Variants in PDCD11 observed in about 807,000 individuals in gnomAD.
The protein encoded by PDCD11 is protein RRP5 homolog.
A neutral mutation model predicts 198.9 loss-of-function variants in PDCD11; 97 were observed. The ratio of observed to expected loss-of-function variants is 0.49; its 90% confidence interval spans 0.41 to 0.58. PDCD11 has a LOEUF of 0.58. Among genes scored for constraint, PDCD11 ranks in the 20% least tolerant of loss-of-function variants. The pLI is 0.00. For missense variants in PDCD11, 2,102 were observed against 2,312.7 expected (o/e 0.91, Z 1.87); for synonymous variants, 893 against 918.0 (o/e 0.97, Z 0.49).
At position 103,398,474 on chromosome 10, in the gene PDCD11, C is replaced by G. The variant is rs1423627906; in HGVS notation, c.48C>G (p.Ile16Met). 1 of 1,614,012 alleles carries G rather than the reference C, an allele frequency of 6.2e-7. No individual in the cohort carries two copies. Among genetic ancestry groups the G allele is most frequent in the Non-Finnish European group, 8.5e-7 (1 of 1,179,990 alleles). ...TCCCCCGAGGAGGTACAAGAAAGAT[C>G]CACAAACCAGAGAAAGCTTTCCAGC... ...ESFPRGGTRK[I>M]HKPEKAFQQS... The change falls in exon 2 of 36, where the codon ATC (isoleucine) becomes ATG (methionine). Residue 16 changes from isoleucine to methionine, a missense_variant. Transcript: ENST00000369797.
chr10:103,406,092 C>T lies in PDCD11; in HGVS notation c.672C>T (p.Ile224=). The T allele has an allele frequency of 1.2e-6, 2 of 1,614,098 alleles. No individual in the cohort carries two copies. Among genetic ancestry groups the T allele is most frequent in the Non-Finnish European group, 1.7e-6 (2 of 1,179,996 alleles). ...FLPLLKAQEY[I]RQKNKGAKLK... ...CACTGCTGAAAGCCCAGGAGTACAT[C>T]AGACAGAAGAACAAAGGTGAGGGCA... The change falls in exon 6 of 36, where the codon ATC becomes ATT. Residue 224 remains isoleucine, a synonymous_variant. Transcript: ENST00000369797.
In PDCD11 at chr10:103,421,487, A is replaced by T; in HGVS notation, c.2417A>T (p.Asp806Val). Residue 806 changes from aspartate (D) to valine (V), a missense_variant, in exon 17 of 36, where the codon GAC (aspartate) becomes GTC (valine). Transcript: ENST00000369797. The stretch of plus-strand genomic sequence containing the variant: ...CGGCTGTCGGACTGTGGTCTGGGGG[A>T]CTTGGCTATCACCAGCCTCCTCCTC... ...SLRLSDCGLG[D>V]LAITSLLLLN... 6.3e-7 allele frequency: 1 copy of T among 1,597,082 alleles called. No homozygotes were observed. Among genetic ancestry groups the T allele is most frequent in the Non-Finnish European group, 8.5e-7 (1 of 1,171,788 alleles).
intron 21 of PDCD11, among the ~76,000 whole-genome samples, chr10:103,428,456 G>A (rs1233810327): frequency 6.7e-6 from 1 of 149,516 alleles, no homozygotes; most frequent in Non-Finnish European, 1.5e-5. Flanking sequence ...GTTAACTGTG[G>A]TTTCTTAGTT....
intron 33 of PDCD11, among the ~76,000 whole-genome samples, 154 bp from the exon 34 acceptor site, chr10:103,443,757 GCCTC>G (rs1463841221): frequency 2.6e-5 from 4 of 152,150 alleles, no homozygotes; most frequent in Non-Finnish European, 4.4e-5. Flanking sequence ...CCTTCTGTGA[GCCTC>G]CCTCCCGCTC....
At chr10:103,422,305 T>A (rs1215077579) in intron 17 of PDCD11, among the ~76,000 whole-genome samples, 1 of 151,824 alleles carries the variant, frequency 6.6e-6, no homozygotes, top group Non-Finnish European at 1.5e-5. Context: ...GGTCTCGAAC[T>A]CCTGACCTCA....
chr10:103,423,156 C>T lies in PDCD11; in HGVS notation c.2647+19C>T. Reference sequence around the variant, plus strand: ...CGCGCAGGTGAGTGCTTCTGTCTTACCCATTGTGGTTGGTGGGAGGACCCT... The same window carrying T: ...CGCGCAGGTGAGTGCTTCTGTCTTATCCATTGTGGTTGGTGGGAGGACCCT... On this transcript the variant is annotated intron_variant, in intron 18 of 35. Coordinates refer to ENST00000369797, the MANE Select transcript of PDCD11 (RefSeq NM_014976.2). 1 of 1,533,560 alleles carries T rather than the reference C, an allele frequency of 6.5e-7. No homozygotes were observed. Among genetic ancestry groups the T allele is most frequent in the Non-Finnish European group, 8.8e-7 (1 of 1,141,280 alleles). 95.0% of individuals were successfully genotyped at this position (1,533,560 alleles called of 1,614,324 possible).
At chr10:103,445,077 G>A (rs1017056774) in intron 35 of PDCD11, among the ~76,000 whole-genome samples, 6 of 152,188 alleles carry the variant, frequency 3.9e-5, no homozygotes, top group African/African-American at 1.4e-4. Context: ...CACTATGTAT[G>A]TTTCTCACTG....
At position 103,439,854 on chromosome 10, in the gene PDCD11, A is replaced by G. The variant is rs1463244486; in HGVS notation, c.4134A>G (p.Thr1378=). Residue 1378 remains threonine (T), a synonymous_variant, in exon 28 of 36, where the codon ACA becomes ACG. Coordinates refer to ENST00000369797, the MANE Select transcript of PDCD11 (RefSeq NM_014976.2). The stretch of plus-strand genomic sequence containing the variant: ...ACCTCCCTGAAGGGAAGCTGCTCAC[A>G]GCCAGGGTCCTACGGTAGGTGCCTT... ...NKHLPEGKLL[T]ARVLRLNHQK... is the part of the protein sequence containing the mutation. 6.2e-7 allele frequency: 1 copy of G among 1,614,164 alleles called. No homozygotes were observed. The highest frequency in any genetic ancestry group is 1.7e-5 in the Admixed American group (1 of 60,014).
chr10:103,407,749 C>T (rs910365655), intron 7 of PDCD11, among the ~76,000 whole-genome samples: 3 of 151,482 alleles, frequency 2.0e-5, no homozygotes, highest in East Asian at 2.0e-4. Context: ...GACGGAGGCT[C>T]GCCCTGTTGC....
intron 3 of PDCD11, among the ~76,000 whole-genome samples, chr10:103,402,702 G>T (rs2030182610): frequency 1.3e-5 from 2 of 151,990 alleles, no homozygotes; most frequent in Admixed American, 6.6e-5. Context: ...GCCTCCCAAA[G>T]TGCTGGGACT....
At chr10:103,434,184 G>A (rs2032051090) in intron 23 of PDCD11, 64 bp from the exon 24 acceptor site, 2 of 1,260,722 alleles carry the variant, frequency 1.6e-6, no homozygotes, top group Non-Finnish European at 2.3e-6. Flanking sequence ...AGACTTAAAT[G>A]CTGTGGTTTT....
chr10:103,411,056 C>A (rs1257526476), intron 8 of PDCD11, among the ~76,000 whole-genome samples: 1 of 149,448 alleles, frequency 6.7e-6, no homozygotes, highest in Non-Finnish European at 1.5e-5. Flanking sequence ...GCCTGAGCGA[C>A]AGAGTGAGAC....
chr10:103,442,929 T>C (rs932062324), intron 32 of PDCD11, among the ~76,000 whole-genome samples: 2 of 152,146 alleles, frequency 1.3e-5, no homozygotes, highest in African/African-American at 4.8e-5. Flanking sequence ...GGGCATCCTT[T>C]CTAGGAATGG....
At position 103,437,904 on chromosome 10, in the gene PDCD11, C is replaced by T. The variant is rs1171782414; in HGVS notation, c.3846-111C>T. ...AATGAAGAAACATGACCAGAGTCTC[C>T]TGTCTCCTCACTCCTGCCTATTCGT... is the stretch of plus-strand genomic sequence containing the variant. On this transcript the variant is annotated intron_variant, in intron 25 of 35. Transcript: ENST00000369797. 7 of 812,056 alleles carry T rather than the reference C, an allele frequency of 8.6e-6. No individual in the cohort carries two copies. The Admixed American group carries it at 1.2e-4, about 14-fold the overall frequency. 50.3% of individuals were successfully genotyped at this position (812,056 alleles called of 1,614,324 possible). A position where few individuals can be genotyped will look rare whatever the true frequency, so the allele number is the denominator to read the frequency against.
rs550389480 is a variant in PDCD11, at chr10:103,419,422, C to T, written c.2107-116C>T. ...CTGCTGGTCTGCACACTTAGAGAAT[C>T]GCTGTAGCAGCAGAGATCAGCCTGC... On this transcript the variant is annotated intron_variant, in intron 15 of 35. Coordinates refer to ENST00000369797, the MANE Select transcript of PDCD11 (RefSeq NM_014976.2). The T allele has an allele frequency of 2.0e-4, 225 of 1,133,928 alleles. 1 individual carries two copies. The highest frequency in any genetic ancestry group is 2.5e-4 in the Non-Finnish European group (202 of 793,758). The allele number at this position is 1,133,928 out of a possible 1,614,324, so 70.2% of individuals were successfully genotyped here.
In PDCD11 at chr10:103,423,157, C is replaced by T; in HGVS notation, c.2647+20C>T. 6.5e-7 allele frequency: 1 copy of T among 1,530,986 alleles called. No individual in the cohort carries two copies. The highest frequency in any genetic ancestry group is 1.3e-5 in the South Asian group (1 of 76,826). The allele number at this position is 1,530,986 out of a possible 1,614,324, so 94.8% of individuals were successfully genotyped here. On this transcript the variant is annotated intron_variant, in intron 18 of 35. Coordinates refer to ENST00000369797, the MANE Select transcript of PDCD11 (RefSeq NM_014976.2). ...GCGCAGGTGAGTGCTTCTGTCTTAC[C>T]CATTGTGGTTGGTGGGAGGACCCTT...
At chr10:103,439,419 C>T (rs1324936587) in intron 27 of PDCD11, among the ~76,000 whole-genome samples, 4 of 152,158 alleles carry the variant, frequency 2.6e-5, no homozygotes, top group South Asian at 2.1e-4. Context: ...TGTAAGTGTT[C>T]GTTCTGTGAA....
rs77011508 is a variant in PDCD11, at chr10:103,444,291, C to T, written c.5278+223C>T. ...CGCAGTTAGTACTAGTTCTGTTGCC[C>T]CTGGGATCCCCCACCTCTTCTGTGC... On this transcript the variant is annotated intron_variant, in intron 34 of 35. Transcript: ENST00000369797. 1,365 of 624,432 alleles carry T rather than the reference C, an allele frequency of 2.2e-3. 11 individuals carry two copies. In the East Asian group the frequency reaches 0.028, roughly 13 times the overall value. The allele number at this position is 624,432 out of a possible 1,614,324, so 38.7% of individuals were successfully genotyped here.
At chr10:103,428,188 C>T (rs1420633610) in intron 21 of PDCD11, among the ~76,000 whole-genome samples, 1 of 151,840 alleles carries the variant, frequency 6.6e-6, no homozygotes, top group Admixed American at 6.6e-5. Flanking sequence ...GCTTGTAATC[C>T]GAGCTACTTG....
Sources: allele counts gnomAD v4.1 joint callset (sites outside exome capture counted in the v4.1 genomes callset), GRCh38; gene constraint gnomAD v4.1.1; transcripts MANE v1.5; gene names NCBI Gene and HGNC (gene_info 2026-07-23, HGNC 2026-07-21).